ZC3H4: variants seen among roughly 807,000 people sequenced by gnomAD.
ZC3H4 encodes zinc finger CCCH-type containing 4.
Under a neutral mutation model 108.3 loss-of-function variants are expected in ZC3H4, and 13 were observed. The ratio of observed to expected loss-of-function variants is 0.12; its 90% CI spans 0.08 to 0.19. ZC3H4 has a LOEUF of 0.19. Among genes scored for constraint, ZC3H4 ranks in the 10% least tolerant of loss-of-function variants. ZC3H4 has a pLI of 1.00. For missense variants in ZC3H4, 1,734 were observed against 1,838.8 expected (o/e 0.94, Z 1.04); for synonymous variants, 917 against 749.6 (o/e 1.22, Z -3.65).
At chr19:47,081,411 T>G (rs537317765) in intron 11 of ZC3H4, 102 bp downstream of exon 11, 1 of 885,450 alleles carries the variant, frequency 1.1e-6, no homozygotes, top group Non-Finnish European at 1.9e-6. Flanking sequence ...TCAACCAAAC[T>G]GGGCACTGCA....
At chr19:47,112,838 AG>A (rs1335403215) in intron 1 of ZC3H4, among the ~76,000 whole-genome samples, 1 of 147,374 alleles carries the variant, frequency 6.8e-6, no homozygotes, top group East Asian at 2.1e-4. Context: ...TAGGGGCGAG[AG>A]CCCCCCCCCC....
intron 6 of ZC3H4, 103 bp from the exon 7 acceptor site, chr19:47,085,517 G>C: frequency 9.4e-7 from 1 of 1,060,874 alleles, no homozygotes; most frequent in Middle Eastern, 2.7e-4. Context: ...GACCATCCAG[G>C]GGACTCATAC....
At chr19:47,074,814 G>A (rs750398625) in intron 11 of ZC3H4, among the ~76,000 whole-genome samples, 1 of 152,208 alleles carries the variant, frequency 6.6e-6, no homozygotes, top group Non-Finnish European at 1.5e-5. Context: ...GCCCCTGCGA[G>A]TCCACAGGAA....
chr19:47,109,805 G>A (rs569651917), intron 2 of ZC3H4, among the ~76,000 whole-genome samples: 1 of 152,288 alleles, frequency 6.6e-6, no homozygotes, highest in East Asian at 1.9e-4. Context: ...AAGTATGTCA[G>A]GGATCAAAAG....
rs534641505 is a variant in ZC3H4 at position 47,113,752 on chromosome 19, G to A, written c.-38C>T. The A allele has an allele frequency of 6.6e-6, 1 of 152,314 alleles. No homozygotes were observed. Among genetic ancestry groups the A allele is most frequent in the Admixed American group, 6.5e-5 (1 of 15,276 alleles). The allele number at this position is 152,314 out of a possible 1,614,324, so 9.4% of individuals were successfully genotyped here. A position where few individuals can be genotyped will look rare whatever the true frequency, so the allele number is the denominator to read the frequency against. On this transcript the variant is annotated 5_prime_UTR_variant, in exon 1 of 15. Coordinates refer to ENST00000253048, the MANE Select transcript of ZC3H4 (RefSeq NM_015168.2). Reference sequence around the variant, plus strand: ...TGGAGGCCAGGTGCCGAGAGTCGGAGGTTTCCGGAGAAGCGATGAAGCCCA... The same window carrying A: ...TGGAGGCCAGGTGCCGAGAGTCGGAAGTTTCCGGAGAAGCGATGAAGCCCA...
rs934368121 is a variant in ZC3H4 at position 47,084,969 on chromosome 19, T to A, written c.1107+87A>T. 1.9e-6 allele frequency: 3 copies of A among 1,555,096 alleles called. No individual in the cohort carries two copies. In the African/African-American group the frequency reaches 4.1e-5, roughly 21 times the overall value. On this transcript the variant is annotated intron_variant, in intron 8 of 14. Coordinates refer to ENST00000253048, the MANE Select transcript of ZC3H4 (RefSeq NM_015168.2). ...GGGGGGTGGCTGATGGCAGCAAGGA[T>A]CAGCTTCACAGAATGACTCATTAAA...
intron 11 of ZC3H4, among the ~76,000 whole-genome samples, chr19:47,075,352 T>A (rs547991640): frequency 6.6e-6 from 1 of 152,220 alleles, no homozygotes; most frequent in East Asian, 1.9e-4. Context: ...CCAGCTGCTT[T>A]CAACACTGCC....
intron 11 of ZC3H4, among the ~76,000 whole-genome samples, chr19:47,078,318 AC>A (rs1205713049): frequency 6.6e-6 from 1 of 152,062 alleles, no homozygotes; most frequent in African/African-American, 2.4e-5. Context: ...TACTAAAAAT[AC>A]AAAAATTAGC....
At chr19:47,105,746 G>A (rs1427231577) in intron 2 of ZC3H4, among the ~76,000 whole-genome samples, 3 of 152,152 alleles carry the variant, frequency 2.0e-5, no homozygotes, top group Non-Finnish European at 4.4e-5. Flanking sequence ...CTGCTTCTTT[G>A]CATTTCTCCC....
intron 3 of ZC3H4, 130 bp downstream of exon 3, chr19:47,094,259 C>T: frequency 2.5e-6 from 3 of 1,187,732 alleles, no homozygotes; most frequent in Non-Finnish European, 3.6e-6. Context: ...TAAAAAAGGT[C>T]TTTATCCAAT....
rs760026708 is a variant in ZC3H4 at position 47,072,560 on chromosome 19, G to C, written c.1594C>G (p.Pro532Ala). The change falls in exon 12 of 15, where the codon CCC (proline) becomes GCC (alanine). Residue 532 changes from proline (P) to alanine (A), a missense_variant. Coordinates refer to ENST00000253048, the MANE Select transcript of ZC3H4 (RefSeq NM_015168.2). The surrounding 1 kb of genome is among the most constrained non-coding windows in gnomAD (Gnocchi z 5.6). ...RPPGPQAPTS[P>A]NGRPMQGGPP... is the part of the protein sequence containing the mutation. Reference sequence around the variant, plus strand: ...CCACCCTGCATGGGCCTGCCGTTGGGAGAGGTTGGAGCCTGCGGGCCAGGG... The same window carrying C: ...CCACCCTGCATGGGCCTGCCGTTGGCAGAGGTTGGAGCCTGCGGGCCAGGG... The C allele has an allele frequency of 6.4e-7, 1 of 1,552,204 alleles. No homozygotes were observed. Among genetic ancestry groups the C allele is most frequent in the Non-Finnish European group, 8.7e-7 (1 of 1,151,200 alleles).
chr19:47,067,234 G>A lies in ZC3H4; in HGVS notation c.3034C>T (p.Leu1012=), dbSNP rs11670129. 4.4e-6 allele frequency: 7 copies of A among 1,605,416 alleles called. No individual in the cohort carries two copies. The highest frequency in any genetic ancestry group is 6.0e-6 in the Non-Finnish European group (7 of 1,176,120). The change falls in exon 15 of 15, where the codon CTG becomes TTG. Residue 1012 remains leucine (L), a synonymous_variant. Transcript: ENST00000253048. The surrounding 1 kb of genome is among the most constrained non-coding windows in gnomAD (Gnocchi z 6.4). ...LQSMPTLDPR[L]HRAATAGPPN... ...GGCCCTGCCGTGGCAGCGCGGTGCA[G>A]CCGGGGGTCCAGGGTGGGCATGGAT...
At chr19:47,078,634 G>A (rs1170275334) in intron 11 of ZC3H4, among the ~76,000 whole-genome samples, 1 of 151,618 alleles carries the variant, frequency 6.6e-6, no homozygotes, top group East Asian at 2.0e-4. Flanking sequence ...TCTCTACTAA[G>A]AATACAAAAC....
intron 5 of ZC3H4, among the ~76,000 whole-genome samples, chr19:47,088,916 A>G (rs1051649432): frequency 6.6e-6 from 1 of 152,038 alleles, no homozygotes; most frequent in Non-Finnish European, 1.5e-5. Flanking sequence ...GACTGCTAGA[A>G]GAACCAATGG....
chr19:47,112,513 TGGC>T lies in ZC3H4; in HGVS notation c.69_71del (p.Pro24del). On this transcript the variant is annotated inframe_deletion, in exon 2 of 15. Coordinates refer to ENST00000253048, the MANE Select transcript of ZC3H4 (RefSeq NM_015168.2). ...AACACGGAGGAGGCGAAGGCGTTGA[TGGC>T]GGCGGCGGCGATGGCGGCGGCGGCG... 1.7e-5 allele frequency: 19 copies of T among 1,090,332 alleles called. No homozygotes were observed. Among genetic ancestry groups the T allele is most frequent in the East Asian group, 3.2e-5 (1 of 31,000 alleles). 67.5% of individuals were successfully genotyped at this position (1,090,332 alleles called of 1,614,324 possible). A position where few individuals can be genotyped will look rare whatever the true frequency, so the allele number is the denominator to read the frequency against.
rs779715995 is a variant in ZC3H4, at chr19:47,066,697, C to T, written c.3571G>A (p.Val1191Ile). 16 of 1,609,716 alleles carry T rather than the reference C, an allele frequency of 9.9e-6. No homozygotes were observed. Among genetic ancestry groups the T allele is most frequent in the East Asian group, 8.9e-5 (4 of 44,798 alleles). The change falls in exon 15 of 15, where the codon GTC (valine) becomes ATC (isoleucine). Residue 1191 changes from valine (V) to isoleucine (I), a missense_variant. Around this residue, in one of 9 missense-constraint regions of ZC3H4, gnomAD observed 518 missense variants for 499.6 expected, o/e 1.04. Transcript: ENST00000253048. Reference protein sequence around the residue: ...SASKAKEPPFVRKSALEQPET... With the variant: ...SASKAKEPPFIRKSALEQPET... Reference sequence around the variant, plus strand: ...GGCTGTTCCAGGGCAGACTTGCGGACGAACGGGGGCTCCTTAGCCTTGGAG... The same window carrying T: ...GGCTGTTCCAGGGCAGACTTGCGGATGAACGGGGGCTCCTTAGCCTTGGAG...
intron 2 of ZC3H4, among the ~76,000 whole-genome samples, chr19:47,102,769 C>CAAAA (rs199731678): frequency 1.6e-4 from 16 of 103,056 alleles, no homozygotes; most frequent in African/African-American, 3.1e-4. Context: ...GGAATTCTGG[C>CAAAA]AAAAAAAAAA....
intron 2 of ZC3H4, chr19:47,096,796 T>C (rs2057828328): frequency 1.0e-6 from 1 of 985,456 alleles, no homozygotes; most frequent in African/African-American, 1.7e-5. Context: ...GCCAGGTTGC[T>C]TGACTACCTC....
At chr19:47,085,452 T>G (rs1600056259) in intron 6 of ZC3H4, 38 bp from the exon 7 acceptor site, 2 of 1,516,120 alleles carry the variant, frequency 1.3e-6, no homozygotes, top group Non-Finnish European at 1.8e-6. Flanking sequence ...GAGCGTCAGG[T>G]AGGGAACAAT....
Sources: gnomAD v4.1 joint callset for allele counts (sites outside exome capture counted in the v4.1 genomes callset) on GRCh38, gnomAD v4.1.1 for gene constraint, gnomAD v4.1.1 regional missense constraint, Gnocchi (gnomAD v3.1) non-coding constraint, MANE v1.5 for transcripts, NCBI Gene and HGNC (gene_info 2026-07-23, HGNC 2026-07-21) for gene names.